The following GALNT13 variants were observed in gnomAD, a reference collection of about 807,000 sequenced individuals.
GALNT13 encodes polypeptide N-acetylgalactosaminyltransferase 13, also known as UDP-GalNAc:polypeptide N-acetylgalactosaminyltransferase 13.
In GALNT13, 28 loss-of-function variants were observed where a neutral mutation model predicts 64.2. That is an observed-to-expected ratio of 0.44 (90% confidence interval 0.32 to 0.60). The LOEUF (loss-of-function observed/expected upper bound fraction) is 0.60. GALNT13 is among the 20% of genes least tolerant of loss of function. The probability of loss-of-function intolerance (pLI) is 0.05; values close to 1 mark genes in which losing one functional copy is unlikely to be tolerated. For missense variants in GALNT13, 577 were observed against 669.8 expected (o/e 0.86, Z 1.53); for synonymous variants, 214 against 224.6 (o/e 0.95, Z 0.42).
chr2:153,212,523 G>A, the GALNT13 span, among the ~76,000 whole-genome samples: 1 of 152,156 alleles, frequency 6.6e-6, no homozygotes. Context: ...ATTCATTCTT[G>A]TGGGTATTTG....
chr2:154,441,512 C>A (rs952467688), intron 12 of GALNT13, among the ~76,000 whole-genome samples: 3 of 152,068 alleles, frequency 2.0e-5, no homozygotes, highest in South Asian at 2.1e-4. Context: ...TTAAAGTTCT[C>A]TCCTTTAAGC....
chr2:154,001,793 A>T (rs1476975210), intron 3 of GALNT13, among the ~76,000 whole-genome samples: 1 of 152,006 alleles, frequency 6.6e-6, no homozygotes, highest in Non-Finnish European at 1.5e-5. Flanking sequence ...ACATGTTAGA[A>T]TGTTTTCCTT....
At chr2:153,274,017 G>A in the GALNT13 span, among the ~76,000 whole-genome samples, 2 of 152,096 alleles carry the variant, frequency 1.3e-5, no homozygotes, top group Non-Finnish European at 2.9e-5. Context: ...TCTGGTAATT[G>A]ACTTAAATGT....
intron 4 of GALNT13, among the ~76,000 whole-genome samples, chr2:154,155,884 G>C (rs1001603346): frequency 6.6e-6 from 1 of 150,552 alleles, no homozygotes; most frequent in Non-Finnish European, 1.5e-5. Flanking sequence ...GAAATAAATG[G>C]AGCATATTAA....
chr2:154,335,225 G>A (rs1051159784), intron 9 of GALNT13, among the ~76,000 whole-genome samples: 1 of 135,678 alleles, frequency 7.4e-6, no homozygotes, highest in African/African-American at 2.6e-5. Context: ...TTCTTCAACT[G>A]TTGAAGAAAA....
At chr2:154,126,494 G>A (rs1029616079) in intron 3 of GALNT13, among the ~76,000 whole-genome samples, 1 of 152,014 alleles carries the variant, frequency 6.6e-6, no homozygotes, top group Non-Finnish European at 1.5e-5. Context: ...AATCAGCTGG[G>A]CGTGGTGGTG....
intron 1 of GALNT13, among the ~76,000 whole-genome samples, chr2:153,897,316 A>AT (rs1687952947): frequency 6.6e-6 from 1 of 152,116 alleles, no homozygotes; most frequent in African/African-American, 2.4e-5. Context: ...CTTGGTCATT[A>AT]TAAGAGTTCA....
chr2:154,170,362 A>C (rs1401973946), intron 4 of GALNT13, among the ~76,000 whole-genome samples: 1 of 152,154 alleles, frequency 6.6e-6, no homozygotes, highest in Non-Finnish European at 1.5e-5. Flanking sequence ...TCAAGTTGAC[A>C]CATAAAATTA....
chr2:154,230,910 C>A (rs188657348), intron 4 of GALNT13, among the ~76,000 whole-genome samples: 9 of 152,202 alleles, frequency 5.9e-5, no homozygotes, highest in Non-Finnish European at 1.0e-4. Context: ...AATGACATTG[C>A]CATGACATTG....
At chr2:154,324,065 A>G (rs1185312881) in intron 9 of GALNT13, among the ~76,000 whole-genome samples, 1 of 152,100 alleles carries the variant, frequency 6.6e-6, no homozygotes, top group African/African-American at 2.4e-5. Context: ...TAGCAAGGTC[A>G]ACATTTAGAA....
chr2:153,752,737 A>G, the GALNT13 span, among the ~76,000 whole-genome samples: 1 of 151,978 alleles, frequency 6.6e-6, no homozygotes, highest in East Asian at 1.9e-4. Context: ...CCTTGGGTGA[A>G]ATCTGTTTGG....
the GALNT13 span, among the ~76,000 whole-genome samples, chr2:153,256,832 G>C: frequency 1.6e-4 from 25 of 152,186 alleles, no homozygotes; most frequent in Admixed American, 1.6e-3. Context: ...GCTGTGTGCT[G>C]GGAGAACCAC....
the GALNT13 span, among the ~76,000 whole-genome samples, chr2:153,531,102 C>A: frequency 6.6e-6 from 1 of 152,112 alleles, no homozygotes; most frequent in South Asian, 2.1e-4. Context: ...GAAGAGGTAA[C>A]CAACAGAGTG....
the GALNT13 span, among the ~76,000 whole-genome samples, chr2:153,666,687 C>T: frequency 6.6e-6 from 1 of 152,140 alleles, no homozygotes; most frequent in African/African-American, 2.4e-5. Flanking sequence ...CAATGTCAAA[C>T]CTTAAAGGAA....
At chr2:154,270,134 A>T (rs866997224) in intron 8 of GALNT13, among the ~76,000 whole-genome samples, 1 of 151,598 alleles carries the variant, frequency 6.6e-6, no homozygotes, top group African/African-American at 2.4e-5. Flanking sequence ...ATTAGCAAAC[A>T]TTAACAAAAC....
At chr2:154,306,291 T>A (rs904247831) in intron 9 of GALNT13, among the ~76,000 whole-genome samples, 16 of 152,116 alleles carry the variant, frequency 1.1e-4, no homozygotes, top group African/African-American at 3.4e-4. Context: ...CCTAATGCTA[T>A]CCCTCCCCTA....
chr2:154,235,967 T>G (rs951784937), intron 4 of GALNT13: 3 of 691,678 alleles, frequency 4.3e-6, no homozygotes, highest in African/African-American at 3.8e-5. Flanking sequence ...TTACAGACAT[T>G]GGAAATATGA....
the GALNT13 span, among the ~76,000 whole-genome samples, chr2:153,707,966 G>T: frequency 6.6e-6 from 1 of 151,926 alleles, no homozygotes; most frequent in Non-Finnish European, 1.5e-5. Flanking sequence ...TCTCTTATGG[G>T]CTCCATTAAA....
At chr2:154,422,447 A>G (rs1229574016) in intron 11 of GALNT13, among the ~76,000 whole-genome samples, 1 of 152,142 alleles carries the variant, frequency 6.6e-6, no homozygotes, top group African/African-American at 2.4e-5. Context: ...TGTATACAGA[A>G]ATGATACCTT....
Sources: gnomAD v4.1 joint callset for allele counts (sites outside exome capture counted in the v4.1 genomes callset) on GRCh38, gnomAD v4.1.1 for gene constraint, MANE v1.5 for transcripts, NCBI Gene and HGNC (gene_info 2026-07-23, HGNC 2026-07-21) for gene names.